Variants in CACNA1I observed in about 807,000 individuals in gnomAD.
The protein encoded by CACNA1I is voltage-dependent T-type calcium channel subunit alpha-1I.
A neutral mutation model predicts 201.6 loss-of-function variants in CACNA1I; 74 were observed. The observed-to-expected ratio is 0.37, with a 90% CI of 0.30 to 0.45. CACNA1I has a LOEUF of 0.45. Ranked by LOEUF, CACNA1I falls within the 20% of genes least tolerant of loss-of-function variation. CACNA1I has a pLI of 1.00. For missense variants in CACNA1I, 2,346 were observed against 3,138.1 expected (o/e 0.75, Z 6.03); for synonymous variants, 1,431 against 1,345.2 (o/e 1.06, Z -1.40).
Position 39,682,552 on chromosome 22 carries a change from C to T in CACNA1I, c.5721C>T (p.Phe1907=), listed in dbSNP as rs1318056595. 5 of 1,613,808 alleles carry T rather than the reference C, an allele frequency of 3.1e-6. No individual in the cohort carries two copies. In the South Asian group the frequency reaches 5.5e-5, roughly 18 times the overall value. The change falls in exon 35 of 37, where the codon TTC becomes TTT. Residue 1907 remains phenylalanine (F), a synonymous_variant. Coordinates refer to ENST00000402142, the MANE Select transcript of CACNA1I (RefSeq NM_021096.4). ...TGGGAGACCTGGGCGAATGCTTCTT[C>T]CCCTTGTCCTCTACGGCCGTCTCGC... ...MRVGDLGECF[F]PLSSTAVSPD...
At chr22:39,668,755 G>A (rs534099241) in intron 24 of CACNA1I, among the ~76,000 whole-genome samples, 28 of 152,304 alleles carry the variant, frequency 1.8e-4, no homozygotes, top group Non-Finnish European at 3.5e-4. Context: ...GGAATTGGGA[G>A]TTGGGAGCCA....
In CACNA1I at chr22:39,664,821, T is replaced by C; in HGVS notation, c.3749T>C (p.Val1250Ala). ...WNVLDGFLVF[V>A]SIIDIVVSLA... ...GTGCTGGATGGCTTTCTTGTCTTCG[T>C]GTCCATCATCGACATCGTGGTGTCC... Residue 1250 changes from valine to alanine, a missense_variant, in exon 21 of 37, where the codon GTG becomes GCG. This residue lies in a region of CACNA1I where 158 missense variants were observed against 231.6 expected (regional missense o/e 0.68). Coordinates refer to ENST00000402142, the MANE Select transcript of CACNA1I (RefSeq NM_021096.4). 6.2e-7 allele frequency: 1 copy of C among 1,613,170 alleles called. No individual in the cohort carries two copies. Among genetic ancestry groups the C allele is most frequent in the Non-Finnish European group, 8.5e-7 (1 of 1,179,786 alleles).
At chr22:39,651,333 C>G (rs911427965) in intron 10 of CACNA1I, among the ~76,000 whole-genome samples, 2 of 152,234 alleles carry the variant, frequency 1.3e-5, no homozygotes, top group African/African-American at 4.8e-5. Flanking sequence ...CCTCCCTCTT[C>G]GTTAGCTCAC....
intron 5 of CACNA1I, 91 bp from the exon 6 acceptor site, chr22:39,640,776 T>A: frequency 9.1e-7 from 1 of 1,093,900 alleles, no homozygotes; most frequent in East Asian, 2.6e-5. Context: ...GACAAGGCCA[T>A]CCTGCTATGC....
At position 39,659,614 on chromosome 22, in the gene CACNA1I, C is replaced by T. The variant is rs1208087623; in HGVS notation, c.2448+64C>T. ...GATGGGACAGTAGGCCTGGGAGGGGCGGGGCTGACAACTCCCATGCCTCCT... is the reference window on the plus strand; with the variant it reads ...GATGGGACAGTAGGCCTGGGAGGGGTGGGGCTGACAACTCCCATGCCTCCT... On this transcript the variant is annotated intron_variant, in intron 13 of 36. Transcript: ENST00000402142. The surrounding 1 kb of genome is among the most constrained non-coding windows in gnomAD (Gnocchi z 4.3). 5.0e-5 allele frequency: 80 copies of T among 1,593,000 alleles called. No homozygotes were observed. The highest frequency in any genetic ancestry group is 6.4e-5 in the Non-Finnish European group (74 of 1,161,550).
Position 39,672,216 on chromosome 22 carries a change from C to G in CACNA1I, c.4557C>G (p.Leu1519=). The change falls in exon 27 of 37, where the codon CTC becomes CTG. Residue 1519 remains leucine, a synonymous_variant. Transcript: ENST00000402142. ...CTCCATAGTCCCTGGAGACAGCCCT[C>G]AAGTACTGCAACTATATGTTCACCA... ...YNQPTSLETA[L]KYCNYMFTTV... 1 of 1,613,204 alleles carries G rather than the reference C, an allele frequency of 6.2e-7. No homozygotes were observed.
intron 4 of CACNA1I, 141 bp from the exon 5 acceptor site, chr22:39,634,424 A>G: frequency 1.3e-6 from 1 of 795,614 alleles, no homozygotes; most frequent in South Asian, 1.5e-5. Flanking sequence ...TCTGGCAGCC[A>G]CTGAACAGGA....
intron 1 of CACNA1I, among the ~76,000 whole-genome samples, chr22:39,597,905 G>A (rs1932925965): frequency 6.6e-6 from 1 of 152,194 alleles, no homozygotes; most frequent in South Asian, 2.1e-4. Flanking sequence ...CTCAGGCTGG[G>A]GCAAGGAGTG....
chr22:39,591,968 C>T (rs893318970), intron 1 of CACNA1I, among the ~76,000 whole-genome samples: 3 of 152,216 alleles, frequency 2.0e-5, no homozygotes, highest in African/African-American at 7.2e-5. Context: ...GCGCCTGGCA[C>T]ACAACAGGCA....
chr22:39,614,407 G>A (rs1008974240), intron 3 of CACNA1I, among the ~76,000 whole-genome samples: 1 of 152,220 alleles, frequency 6.6e-6, no homozygotes, highest in Non-Finnish European at 1.5e-5. Context: ...TCAGCTGGAG[G>A]GAGGTCCTCC....
At chr22:39,630,551 C>G (rs1446251642) in intron 4 of CACNA1I, among the ~76,000 whole-genome samples, 1 of 152,344 alleles carries the variant, frequency 6.6e-6, no homozygotes, top group South Asian at 2.1e-4. Flanking sequence ...TGCTTTGTGC[C>G]CGGTCCTGGT....
At chr22:39,588,878 G>T (rs1932790126) in intron 1 of CACNA1I, among the ~76,000 whole-genome samples, 1 of 152,186 alleles carries the variant, frequency 6.6e-6, no homozygotes, top group South Asian at 2.1e-4. Flanking sequence ...CGCGTTGTTT[G>T]CTCTGCTGCG....
intron 3 of CACNA1I, among the ~76,000 whole-genome samples, chr22:39,618,437 G>T (rs868164310): frequency 6.6e-6 from 1 of 152,062 alleles, no homozygotes; most frequent in Non-Finnish European, 1.5e-5. Flanking sequence ...GTGTATGCAG[G>T]TGTGTGACTG....
rs1226800034 is a variant in CACNA1I at position 39,649,105 on chromosome 22, G to A, written c.1568-396G>A. ...CTCTGACGGGGGCTGCCCCCACATT[G>A]GCCTGACTCTTTCAGAATCACATCT... On this transcript the variant is annotated intron_variant, in intron 9 of 36. Transcript: ENST00000402142. This position sits in a 1 kb window ranked among gnomAD's most constrained non-coding sequence, Gnocchi z 7.3. Among the ~76,000 whole-genome samples the A allele has an allele frequency of 6.6e-6, 1 of 152,228 alleles. No homozygotes were observed. The highest frequency in any genetic ancestry group is 1.5e-5 in the Non-Finnish European group (1 of 68,030).
At chr22:39,628,282 C>T (rs907543392) in intron 4 of CACNA1I, among the ~76,000 whole-genome samples, 1 of 152,216 alleles carries the variant, frequency 6.6e-6, no homozygotes, top group Admixed American at 6.5e-5. Flanking sequence ...GGCACAGCCC[C>T]TTCCCCAAAG....
chr22:39,647,046 C>G (rs537837684), intron 8 of CACNA1I, among the ~76,000 whole-genome samples, 165 bp downstream of exon 8: 13 of 152,386 alleles, frequency 8.5e-5, no homozygotes, highest in Non-Finnish European at 1.8e-4. Flanking sequence ...CCTCTGCCTG[C>G]CCTCTCCTGG....
chr22:39,656,463 C>G (rs772420347), intron 10 of CACNA1I: 19 of 517,680 alleles, frequency 3.7e-5, no homozygotes, highest in South Asian at 2.7e-4. Flanking sequence ...CCTAGCCACC[C>G]CCCACTTTCC....
intron 2 of CACNA1I, 33 bp downstream of exon 2, chr22:39,598,295 C>CCCTCAT (rs1932939766): frequency 1.0e-5 from 13 of 1,273,872 alleles, no homozygotes; most frequent in Non-Finnish European, 1.3e-5. Flanking sequence ...CCCCGCCCTG[C>CCCTCAT]CCTCATCCTC....
rs144994846 is a variant in CACNA1I, at chr22:39,623,654, G to A, written c.580+4247G>A. On this transcript the variant is annotated intron_variant, in intron 4 of 36. Coordinates refer to ENST00000402142, the MANE Select transcript of CACNA1I (RefSeq NM_021096.4). ...TGTGTGTGTGCCTGTGTGTGTATGT[G>A]TGCTGCGAGGGGGTATGCCTGTGAG... Among the ~76,000 whole-genome samples the A allele has an allele frequency of 6.0e-4, 87 of 145,548 alleles. 2 individuals carry two copies. The highest frequency in any genetic ancestry group is 3.7e-3 in the South Asian group (16 of 4,382).
Sources: gnomAD v4.1 joint callset for allele counts (sites outside exome capture counted in the v4.1 genomes callset) on GRCh38, gnomAD v4.1.1 for gene constraint, gnomAD v4.1.1 regional missense constraint, Gnocchi (gnomAD v3.1) non-coding constraint, MANE v1.5 for transcripts, NCBI Gene and HGNC (gene_info 2026-07-23, HGNC 2026-07-21) for gene names.